ADCY8: variants seen among roughly 807,000 people sequenced by gnomAD.
ADCY8 encodes the protein adenylate cyclase 8.
ADCY8 carries 51 observed loss-of-function variants against 119.7 expected under a neutral mutation model. The observed-to-expected ratio is 0.43, with a 90% CI of 0.34 to 0.54. The LOEUF is 0.54. Ranked by LOEUF, ADCY8 falls within the 20% of genes least tolerant of loss-of-function variation. The pLI, the probability that ADCY8 is intolerant of heterozygous loss-of-function variation, is 0.03. For synonymous variants in ADCY8, 665 were observed against 651.0 expected (o/e 1.02, Z -0.33); for missense variants, 1,383 against 1,598.8 (o/e 0.87, Z 2.30).
intron 2 of ADCY8, among the ~76,000 whole-genome samples, chr8:130,956,659 T>C (rs970566146): frequency 2.6e-5 from 4 of 152,226 alleles, no homozygotes; most frequent in Non-Finnish European, 5.9e-5. Context: ...TTGGCAAATC[T>C]CATCTTAAAT....
chr8:130,879,133 C>A (rs949498413), intron 8 of ADCY8, among the ~76,000 whole-genome samples: 6 of 152,158 alleles, frequency 3.9e-5, no homozygotes, highest in Non-Finnish European at 5.9e-5. Flanking sequence ...TCTTCCCTAT[C>A]CTAAGCCTCA....
intron 5 of ADCY8, among the ~76,000 whole-genome samples, chr8:130,928,671 C>A (rs1343041911): frequency 6.6e-6 from 1 of 152,134 alleles, no homozygotes; most frequent in Admixed American, 6.5e-5. Flanking sequence ...ATTTGTTTTT[C>A]TAGAATTTTA....
At chr8:130,843,492 T>C (rs1817207993) in intron 11 of ADCY8, among the ~76,000 whole-genome samples, 2 of 152,228 alleles carry the variant, frequency 1.3e-5, no homozygotes, top group African/African-American at 4.8e-5. Flanking sequence ...TGGTTTCCTC[T>C]TCCTGAGCCA....
intron 1 of ADCY8, among the ~76,000 whole-genome samples, chr8:130,993,827 AATACAAAC>A (rs1421387491): frequency 6.6e-6 from 1 of 152,206 alleles, no homozygotes; most frequent in Non-Finnish European, 1.5e-5. Context: ...AAAACGGACT[AATACAAAC>A]ATGCTATTCA....
intron 13 of ADCY8, among the ~76,000 whole-genome samples, chr8:130,820,559 G>C (rs185163237): frequency 2.4e-3 from 371 of 152,318 alleles, no homozygotes; most frequent in Non-Finnish European, 4.0e-3. Context: ...ACCCTGCCTA[G>C]ATGTTCCTAT....
intron 11 of ADCY8, 148 bp downstream of exon 11, chr8:130,847,276 G>C: frequency 1.7e-6 from 1 of 582,658 alleles, no homozygotes; most frequent in Non-Finnish European, 3.0e-6. Context: ...AAAAGGGAAA[G>C]AAGAAGAAAG....
chr8:130,921,449 CT>C (rs35570520), intron 5 of ADCY8, among the ~76,000 whole-genome samples: 288 of 107,622 alleles, frequency 2.7e-3, no homozygotes, highest in Middle Eastern at 0.01. Flanking sequence ...TTTTTCTTTT[CT>C]TTTTTTTTTT....
chr8:131,026,190 G>A (rs565379391), intron 1 of ADCY8, among the ~76,000 whole-genome samples: 1 of 152,288 alleles, frequency 6.6e-6, no homozygotes, highest in Non-Finnish European at 1.5e-5. Flanking sequence ...TGTGTCATGA[G>A]GGTGGAGCCT....
rs183625950 is a variant in ADCY8 at position 130,795,052 on chromosome 8, G to A, written c.3060+5374C>T. ...CAGCCTGGCCAACGTGGTGAAAATC[G>A]CTGTCTCTACTAAAAATAAAAACCC... On this transcript the variant is annotated intron_variant, in intron 15 of 17. Coordinates refer to ENST00000286355, the MANE Select transcript of ADCY8 (RefSeq NM_001115.3). 3.9e-5 allele frequency among the ~76,000 whole-genome samples: 6 copies of A among 152,214 alleles called. No homozygotes were observed. In the South Asian group the frequency reaches 1.2e-3, roughly 32 times the overall value.
Position 130,814,199 on chromosome 8 carries a change from AG to A in ADCY8, c.2782del (p.Leu928PhefsTer13). Reference protein sequence around the residue: ...QLEYTARLDFLWRVQAKEEIN... With the variant: ...QLEYTARLDFXWRVQAKEEIN... ...CTCCTCTTTGGCCTGTACTCGCCAA[AG>A]GAAGTCCAGGCGGGCTGTGTACTCC... On this transcript the variant is annotated frameshift_variant, in exon 14 of 18. Coordinates refer to ENST00000286355, the MANE Select transcript of ADCY8 (RefSeq NM_001115.3). LOFTEE classifies it high-confidence loss of function. The A allele has an allele frequency of 6.2e-7, 1 of 1,614,156 alleles. No individual in the cohort carries two copies. Among genetic ancestry groups the A allele is most frequent in the Non-Finnish European group, 8.5e-7 (1 of 1,180,028 alleles).
chr8:131,026,313 C>G (rs1289561053), intron 1 of ADCY8, among the ~76,000 whole-genome samples: 1 of 152,144 alleles, frequency 6.6e-6, no homozygotes, highest in African/African-American at 2.4e-5. Flanking sequence ...CAGGCCCTCA[C>G]CAGGCACCAA....
chr8:130,847,592 G>A (rs1817374041), intron 10 of ADCY8, 79 bp from the exon 11 acceptor site: 1 of 1,218,000 alleles, frequency 8.2e-7, no homozygotes, highest in South Asian at 1.4e-5. Context: ...GCTGGAAATG[G>A]AGCAGTGTGC....
chr8:131,013,098 C>T (rs1055727815), intron 1 of ADCY8, among the ~76,000 whole-genome samples: 1 of 152,160 alleles, frequency 6.6e-6, no homozygotes, highest in Non-Finnish European at 1.5e-5. Flanking sequence ...AATTTCCTCC[C>T]TCATTCATTC....
chr8:131,036,772 G>C (rs1270147018), intron 1 of ADCY8, among the ~76,000 whole-genome samples: 1 of 152,134 alleles, frequency 6.6e-6, no homozygotes, highest in East Asian at 1.9e-4. Flanking sequence ...CCCAGAATTA[G>C]GAAGAGCTTG....
chr8:130,793,565 A>G (rs1815488980), intron 15 of ADCY8, among the ~76,000 whole-genome samples: 1 of 152,202 alleles, frequency 6.6e-6, no homozygotes, highest in African/African-American at 2.4e-5. Context: ...GTTTGTCATT[A>G]TATCTTGTGC....
rs538468052 is a variant in ADCY8, at chr8:130,879,972, A to G, written c.2109+4592T>C. Among the ~76,000 whole-genome samples the G allele has an allele frequency of 1.2e-3, 190 of 152,172 alleles. 1 individual carries two copies. The highest frequency in any genetic ancestry group is 3.4e-3 in the Middle Eastern group (1 of 294). On this transcript the variant is annotated intron_variant, in intron 8 of 17. Transcript: ENST00000286355. Reference sequence around the variant, plus strand: ...TGAATCATGGGGGTGGGTCTTTCCTATGCGATTCTCGTGATAGTGAATGGG... The same window carrying G: ...TGAATCATGGGGGTGGGTCTTTCCTGTGCGATTCTCGTGATAGTGAATGGG...
chr8:130,908,051 T>C (rs1373780406), intron 6 of ADCY8, among the ~76,000 whole-genome samples: 2 of 152,352 alleles, frequency 1.3e-5, no homozygotes, highest in African/African-American at 4.8e-5. Flanking sequence ...GCTGCATCCA[T>C]GTTGCTGCAA....
At chr8:130,955,323 T>C (rs149853595) in intron 2 of ADCY8, among the ~76,000 whole-genome samples, 1 of 152,092 alleles carries the variant, frequency 6.6e-6, no homozygotes, top group South Asian at 2.1e-4. Context: ...GAAAATGAAG[T>C]CTCGGAGAAG....
At chr8:130,914,891 G>A (rs1820081380) in intron 5 of ADCY8, among the ~76,000 whole-genome samples, 2 of 152,200 alleles carry the variant, frequency 1.3e-5, no homozygotes, top group Admixed American at 1.3e-4. Context: ...CACAGACATA[G>A]TCAGTGCTGA....
Sources: allele counts gnomAD v4.1 joint callset (sites outside exome capture counted in the v4.1 genomes callset), GRCh38; gene constraint gnomAD v4.1.1; transcripts MANE v1.5; gene names NCBI Gene and HGNC (gene_info 2026-07-23, HGNC 2026-07-21).